HTR7: variants seen among roughly 807,000 people sequenced by gnomAD.
HTR7 encodes 5-hydroxytryptamine receptor 7, also known as 5-HT-7.
HTR7 carries 16 observed loss-of-function variants against 34.0 expected under a neutral mutation model. That is an observed-to-expected ratio of 0.47 (90% CI 0.32 to 0.71). HTR7 has a LOEUF of 0.71. Among genes scored for constraint, HTR7 ranks in the 30% least tolerant of loss-of-function variants. The pLI is 0.04. For missense variants in HTR7, 504 were observed against 625.5 expected (o/e 0.81, Z 2.07); for synonymous variants, 265 against 260.2 (o/e 1.02, Z -0.18).
intron 1 of HTR7, among the ~76,000 whole-genome samples, chr10:90,853,437 C>A (rs1300101913): frequency 6.6e-6 from 1 of 151,086 alleles, no homozygotes; most frequent in African/African-American, 2.4e-5. Context: ...AGGCATTTGC[C>A]ACCATGCCTG....
intron 1 of HTR7, among the ~76,000 whole-genome samples, chr10:90,756,065 A>C (rs1467913924): frequency 6.6e-6 from 1 of 152,236 alleles, no homozygotes; most frequent in Non-Finnish European, 1.5e-5. Context: ...ACTGCTTGTC[A>C]ACATGGATGA....
intron 1 of HTR7, among the ~76,000 whole-genome samples, chr10:90,856,242 A>G (rs1223181461): frequency 6.6e-6 from 1 of 152,230 alleles, no homozygotes; most frequent in Non-Finnish European, 1.5e-5. Flanking sequence ...TTTCAGTTTC[A>G]AGTGAAATAG....
chr10:90,767,792 G>T (rs933412070), intron 1 of HTR7, among the ~76,000 whole-genome samples: 1 of 152,060 alleles, frequency 6.6e-6, no homozygotes, highest in African/African-American at 2.4e-5. Flanking sequence ...AGCATAGTTA[G>T]CCTAGGCTTC....
intron 1 of HTR7, among the ~76,000 whole-genome samples, chr10:90,824,185 C>A (rs1418033622): frequency 6.6e-6 from 1 of 152,206 alleles, no homozygotes; most frequent in East Asian, 1.9e-4. Context: ...TCAGCTGAGC[C>A]ACAACAGGAT....
chr10:90,751,070 G>A (rs949536562), intron 1 of HTR7, among the ~76,000 whole-genome samples: 14 of 152,160 alleles, frequency 9.2e-5, no homozygotes, highest in East Asian at 7.7e-4. Context: ...GGAGCCAGGC[G>A]TTCATGACGC....
intron 1 of HTR7, among the ~76,000 whole-genome samples, chr10:90,841,245 A>G (rs1159880371): frequency 1.3e-5 from 2 of 152,216 alleles, no homozygotes; most frequent in Non-Finnish European, 2.9e-5. Context: ...CAGGTCCACA[A>G]TTTCTTAACC....
chr10:90,759,041 G>T (rs1426159841), intron 1 of HTR7, among the ~76,000 whole-genome samples: 1 of 151,952 alleles, frequency 6.6e-6, no homozygotes, highest in Non-Finnish European at 1.5e-5. Flanking sequence ...TACAAAATTA[G>T]CTGGGCGTGG....
intron 1 of HTR7, among the ~76,000 whole-genome samples, chr10:90,840,568 C>T (rs1421514705): frequency 2.0e-5 from 3 of 152,178 alleles, no homozygotes; most frequent in Non-Finnish European, 4.4e-5. Flanking sequence ...TTGTCTTGTT[C>T]TTTCAACTCC....
intron 1 of HTR7, among the ~76,000 whole-genome samples, chr10:90,819,248 T>C (rs1845941961): frequency 1.3e-5 from 2 of 152,244 alleles, no homozygotes; most frequent in Non-Finnish European, 2.9e-5. Flanking sequence ...ATAAATGACC[T>C]ATATACTTAT....
chr10:90,820,932 G>A (rs1050950095), intron 1 of HTR7, among the ~76,000 whole-genome samples: 57 of 152,174 alleles, frequency 3.7e-4, no homozygotes, highest in African/African-American at 1.2e-3. Context: ...AACCCTATGA[G>A]GAAGGTATTA....
intron 1 of HTR7, among the ~76,000 whole-genome samples, chr10:90,856,892 C>T (rs998663037): frequency 1.3e-5 from 2 of 152,222 alleles, no homozygotes; most frequent in African/African-American, 4.8e-5. Context: ...TAACTTTGGT[C>T]TTAAATTCGT....
In HTR7 at chr10:90,857,848, C is replaced by T; in HGVS notation, c.-177G>A. On this transcript the variant is annotated 5_prime_UTR_variant, in exon 1 of 4. Coordinates refer to ENST00000336152, the MANE Select transcript of HTR7 (RefSeq NM_019859.4). This position sits in a 1 kb window ranked among gnomAD's most constrained non-coding sequence, Gnocchi z 6.5. ...AGCCCCGCACTCCCCGGACCCCCGGCCGCTGCGGGTAACGCGGCAGCGCGG... is the reference window on the plus strand; with the variant it reads ...AGCCCCGCACTCCCCGGACCCCCGGTCGCTGCGGGTAACGCGGCAGCGCGG... 1 of 558,306 alleles carries T rather than the reference C, an allele frequency of 1.8e-6. No homozygotes were observed. Among genetic ancestry groups the T allele is most frequent in the Non-Finnish European group, 2.6e-6 (1 of 380,228 alleles). 34.6% of individuals were successfully genotyped at this position (558,306 alleles called of 1,614,324 possible).
chr10:90,793,214 A>G (rs1193931447), intron 1 of HTR7, among the ~76,000 whole-genome samples: 1 of 152,048 alleles, frequency 6.6e-6, no homozygotes, highest in Non-Finnish European at 1.5e-5. Flanking sequence ...AACAAGAAAA[A>G]AGCAAATAAC....
chr10:90,814,745 G>T (rs1490962381), intron 1 of HTR7, among the ~76,000 whole-genome samples: 1 of 152,156 alleles, frequency 6.6e-6, no homozygotes, highest in African/African-American at 2.4e-5. Context: ...AAAGGTCTTA[G>T]TACAACATTA....
At chr10:90,803,250 G>A (rs1236426938) in intron 1 of HTR7, among the ~76,000 whole-genome samples, 1 of 152,104 alleles carries the variant, frequency 6.6e-6, no homozygotes, top group African/African-American at 2.4e-5. Context: ...GAGATCAAGT[G>A]TGCCATTCGA....
chr10:90,794,666 ATT>A (rs1483873418), intron 1 of HTR7, among the ~76,000 whole-genome samples: 22 of 151,826 alleles, frequency 1.4e-4, no homozygotes, highest in Admixed American at 2.6e-4. Context: ...ACACCTGGCT[ATT>A]TTTTTATTAT....
At chr10:90,806,490 T>C (rs1845708674) in intron 1 of HTR7, among the ~76,000 whole-genome samples, 1 of 151,960 alleles carries the variant, frequency 6.6e-6, no homozygotes, top group South Asian at 2.1e-4. Flanking sequence ...TCTCAGCTAC[T>C]TGGGAGGCTG....
At position 90,750,116 on chromosome 10, in the gene HTR7, G is replaced by A. The variant is rs1360027637; in HGVS notation, c.540-522C>T. On this transcript the variant is annotated intron_variant, in intron 1 of 3. Coordinates refer to ENST00000336152, the MANE Select transcript of HTR7 (RefSeq NM_019859.4). Reference sequence around the variant, plus strand: ...CATTTCTTTAAGATCACACAGATTCGTGAGATAATTTGGGAATCCTAGAGT... The same window carrying A: ...CATTTCTTTAAGATCACACAGATTCATGAGATAATTTGGGAATCCTAGAGT... Among the ~76,000 whole-genome samples, 9 of 152,088 alleles carry A rather than the reference G, an allele frequency of 5.9e-5. No individual in the cohort carries two copies. The South Asian group carries it at 1.9e-3, about 32-fold the overall frequency.
rs531926487 is a variant in HTR7, at chr10:90,832,382, C to A, written c.539+24751G>T. On this transcript the variant is annotated intron_variant, in intron 1 of 3. Coordinates refer to ENST00000336152, the MANE Select transcript of HTR7 (RefSeq NM_019859.4). The stretch of plus-strand genomic sequence containing the variant: ...GCACAGCGCAGGTGGGCCAGCACTG[C>A]TGGGGGACCCGGCACACCCTCTGCA... 2.9e-4 allele frequency among the ~76,000 whole-genome samples: 44 copies of A among 152,328 alleles called. No homozygotes were observed. The South Asian group carries it at 5.6e-3, about 19-fold the overall frequency.
Sources: allele counts gnomAD v4.1 joint callset (sites outside exome capture counted in the v4.1 genomes callset), GRCh38; gene constraint gnomAD v4.1.1; non-coding constraint Gnocchi (gnomAD v3.1); transcripts MANE v1.5; gene names NCBI Gene and HGNC (gene_info 2026-07-23, HGNC 2026-07-21).